AP1S3: variants seen among roughly 807,000 people sequenced by gnomAD.
AP1S3 encodes adaptor related protein complex 1 subunit sigma 3.
A neutral mutation model predicts 20.9 loss-of-function variants in AP1S3; 10 were observed. The observed-to-expected ratio is 0.48, with a 90% CI of 0.29 to 0.81. The LOEUF is 0.81. Ranked by LOEUF, AP1S3 falls within the 30% of genes least tolerant of loss-of-function variation. The pLI is 0.08. For missense variants in AP1S3, 154 were observed against 183.8 expected (o/e 0.84, Z 0.94); for synonymous variants, 41 against 61.5 (o/e 0.67, Z 1.56).
chr2:223,792,981 A>G (rs1174277025), intron 1 of AP1S3, among the ~76,000 whole-genome samples: 1 of 152,264 alleles, frequency 6.6e-6, no homozygotes, highest in African/African-American at 2.4e-5. Flanking sequence ...AAAGCTCAGC[A>G]TCACTAATCA....
intron 1 of AP1S3, among the ~76,000 whole-genome samples, chr2:223,780,353 A>T (rs796218788): frequency 0.43 from 24,417 of 56,258 alleles, 5,628 homozygotes; most frequent in Non-Finnish European, 0.46. Context: ...AGAGAGAGAG[A>T]GAGAGTGTGT....
At chr2:223,798,977 C>T (rs1574711040) in intron 1 of AP1S3, among the ~76,000 whole-genome samples, 1 of 152,166 alleles carries the variant, frequency 6.6e-6, no homozygotes, top group Non-Finnish European at 1.5e-5. Context: ...GAGGCTGAGA[C>T]AGGAGAATCA....
chr2:223,822,662 C>T (rs1032347205), intron 1 of AP1S3, among the ~76,000 whole-genome samples: 1 of 151,442 alleles, frequency 6.6e-6, no homozygotes, highest in African/African-American at 2.4e-5. Context: ...CCAGCCTGGG[C>T]AATAAGAGCA....
At chr2:223,832,797 TTTC>T (rs1449102211) in intron 1 of AP1S3, among the ~76,000 whole-genome samples, 1 of 133,138 alleles carries the variant, frequency 7.5e-6, no homozygotes, top group East Asian at 2.2e-4. Context: ...AGGAATTTTT[TTTC>T]TTTTTTCTTT....
Position 223,757,524 on chromosome 2 carries a change from G to A in AP1S3, c.*1191C>T, listed in dbSNP as rs570475460. The stretch of plus-strand genomic sequence containing the variant: ...GCTGCTCTCGAACTCCTGACCTCAA[G>A]TGATCCACCTGCCTCGGCCTCCCAA... On this transcript the variant is annotated 3_prime_UTR_variant, in exon 5 of 5. Coordinates refer to ENST00000396654, the MANE Select transcript of AP1S3 (RefSeq NM_001039569.2). The A allele has an allele frequency of 6.1e-5, 55 of 899,782 alleles. No individual in the cohort carries two copies. The African/African-American group carries it at 9.4e-4, about 15-fold the overall frequency. 55.7% of individuals were successfully genotyped at this position (899,782 alleles called of 1,614,324 possible). A position where few individuals can be genotyped will look rare whatever the true frequency, so the allele number is the denominator to read the frequency against.
rs144000320 is a variant in AP1S3, at chr2:223,811,296, G to A, written c.3+26152C>T. Among the ~76,000 whole-genome samples the A allele has an allele frequency of 5.7e-4, 86 of 152,032 alleles. 1 individual carries two copies. In the East Asian group the frequency reaches 0.014, roughly 25 times the overall value. On this transcript the variant is annotated intron_variant, in intron 1 of 4. Coordinates refer to ENST00000396654, the MANE Select transcript of AP1S3 (RefSeq NM_001039569.2). ...TTTAGTGAAATATCTGGCCAGGCAC[G>A]GTGGCTCATGCCTGTAATCCCAACA... is the stretch of plus-strand genomic sequence containing the variant.
Position 223,755,986 on chromosome 2 carries a change from G to A in AP1S3, c.*2729C>T. ...CCAAATATGGTGACAAATTTCAAAA[G>A]AACCGGAAAAACTATGATGGATTTA... On this transcript the variant is annotated 3_prime_UTR_variant, in exon 5 of 5. Coordinates refer to ENST00000396654, the MANE Select transcript of AP1S3 (RefSeq NM_001039569.2). 1 of 985,412 alleles carries A rather than the reference G, an allele frequency of 1.0e-6. No individual in the cohort carries two copies. Among genetic ancestry groups the A allele is most frequent in the East Asian group, 1.1e-4 (1 of 8,816 alleles). The allele number at this position is 985,412 out of a possible 1,614,324, so 61.0% of individuals were successfully genotyped here. A position where few individuals can be genotyped will look rare whatever the true frequency, so the allele number is the denominator to read the frequency against.
chr2:223,836,568 C>T (rs1692400030), intron 1 of AP1S3, among the ~76,000 whole-genome samples: 1 of 152,132 alleles, frequency 6.6e-6, no homozygotes, highest in African/African-American at 2.4e-5. Flanking sequence ...GGTGAAACCC[C>T]GTCTCTACTA....
chr2:223,760,404 C>T (rs369411140), intron 4 of AP1S3, among the ~76,000 whole-genome samples: 1 of 152,156 alleles, frequency 6.6e-6, no homozygotes, highest in Non-Finnish European at 1.5e-5. Flanking sequence ...AGAAATCTGC[C>T]CTTACCTTCA....
intron 4 of AP1S3, among the ~76,000 whole-genome samples, chr2:223,761,550 G>A (rs1690354341): frequency 6.6e-6 from 1 of 152,114 alleles, no homozygotes; most frequent in South Asian, 2.1e-4. Context: ...TTAGCCTTCC[G>A]AGTAGCTGGA....
intron 1 of AP1S3, among the ~76,000 whole-genome samples, chr2:223,790,699 A>G (rs1461296061): frequency 6.6e-6 from 1 of 152,252 alleles, no homozygotes; most frequent in African/African-American, 2.4e-5. Flanking sequence ...CACATATGTT[A>G]TAAAGTGATT....
intron 4 of AP1S3, among the ~76,000 whole-genome samples, chr2:223,761,743 T>G (rs531853910): frequency 6.6e-6 from 1 of 151,798 alleles, no homozygotes; most frequent in African/African-American, 2.4e-5. Flanking sequence ...ATCATTTTTC[T>G]GTAGAGACAA....
intron 3 of AP1S3, among the ~76,000 whole-genome samples, chr2:223,770,976 C>T (rs1690611080): frequency 6.6e-6 from 1 of 151,800 alleles, no homozygotes; most frequent in African/African-American, 2.4e-5. Context: ...TTAAGTGATC[C>T]CCCCCACCTT....
intron 1 of AP1S3, among the ~76,000 whole-genome samples, chr2:223,832,812 T>A (rs538422742): frequency 6.7e-6 from 1 of 148,668 alleles, no homozygotes; most frequent in Admixed American, 6.7e-5. Flanking sequence ...TTTTTCTTTT[T>A]TTTTTTTTTT....
chr2:223,810,336 A>T (rs940258946), intron 1 of AP1S3, among the ~76,000 whole-genome samples: 9 of 152,046 alleles, frequency 5.9e-5, no homozygotes, highest in African/African-American at 2.2e-4. Context: ...TTTTTGAGAC[A>T]GGGTCTCCAT....
intron 2 of AP1S3, among the ~76,000 whole-genome samples, chr2:223,776,337 T>C (rs543657537): frequency 6.6e-6 from 1 of 152,310 alleles, no homozygotes; most frequent in East Asian, 1.9e-4. Context: ...CAATTGTTTT[T>C]TGTAAAATAG....
intron 1 of AP1S3, among the ~76,000 whole-genome samples, chr2:223,786,603 T>C (rs113292987): frequency 8.0e-5 from 12 of 149,966 alleles, no homozygotes; most frequent in African/African-American, 2.9e-4. Flanking sequence ...AAAAAAAAAG[T>C]TATTAAATTA....
chr2:223,792,144 A>C (rs1417877025), intron 1 of AP1S3, among the ~76,000 whole-genome samples: 1 of 152,174 alleles, frequency 6.6e-6, no homozygotes. Flanking sequence ...ATTAGAAAAA[A>C]CTATTTTAAA....
chr2:223,832,062 G>A (rs898224424), intron 1 of AP1S3, among the ~76,000 whole-genome samples: 4 of 143,664 alleles, frequency 2.8e-5, no homozygotes, highest in African/African-American at 1.0e-4. Context: ...GGGAGACAGA[G>A]TAAGACTCCG....
Sources: allele counts gnomAD v4.1 joint callset (sites outside exome capture counted in the v4.1 genomes callset), GRCh38; gene constraint gnomAD v4.1.1; transcripts MANE v1.5; gene names NCBI Gene and HGNC (gene_info 2026-07-23, HGNC 2026-07-21).